The following TVP23C variants were observed in gnomAD, a reference collection of about 807,000 sequenced individuals.
TVP23C encodes the protein Golgi apparatus membrane protein TVP23 homolog C.
TVP23C carries 19 observed loss-of-function variants against 28.7 expected under a neutral mutation model. The ratio of observed to expected loss-of-function variants is 0.66; its 90% confidence interval spans 0.46 to 0.97. The LOEUF (loss-of-function observed/expected upper bound fraction) is 0.97, where lower values mean the gene tolerates loss of function less well. Ranked by LOEUF, TVP23C falls within the 50% of genes least tolerant of loss-of-function variation. The pLI, the probability that TVP23C is intolerant of heterozygous loss-of-function variation, is 0.00. For synonymous variants in TVP23C, 68 were observed against 81.7 expected (o/e 0.83, Z 0.90); for missense variants, 186 against 241.3 (o/e 0.77, Z 1.52).
chr17:15,540,532 T>C lies in TVP23C; in HGVS notation c.492A>G (p.Gln164=), dbSNP rs765432326. Residue 164 remains glutamine, a synonymous_variant, in exon 6 of 6, where the codon CAA becomes CAG. Coordinates refer to ENST00000518321, the MANE Select transcript of TVP23C (RefSeq NM_001135036.2). ...TGATGTAACCATACAGGTTGGCACC[T>C]TGTAGCACCACACCCATAATAACCA... The part of the protein sequence containing the change: ...LAVVIMGVVL[Q]GANLYGYIRC... 1.2e-5 allele frequency: 19 copies of C among 1,613,482 alleles called. No homozygotes were observed. The Admixed American group carries it at 1.7e-4, about 14-fold the overall frequency.
intron 5 of TVP23C, among the ~76,000 whole-genome samples, chr17:15,521,422 T>C (rs575449987): frequency 6.6e-6 from 1 of 152,254 alleles, no homozygotes; most frequent in South Asian, 2.1e-4. Context: ...GAGAATGTCG[T>C]GAGCCCAGGA....
intron 1 of TVP23C, among the ~76,000 whole-genome samples, chr17:15,558,025 T>C (rs1984211218): frequency 6.7e-6 from 1 of 149,326 alleles, no homozygotes; most frequent in African/African-American, 2.4e-5. Context: ...TGGCTACAAT[T>C]AGAATGCTCT....
At chr17:15,550,397 G>T (rs1030741588) in intron 3 of TVP23C, among the ~76,000 whole-genome samples, 4 of 152,048 alleles carry the variant, frequency 2.6e-5, no homozygotes, top group South Asian at 2.1e-4. Flanking sequence ...ATTTTATTTT[G>T]ATTTTCTTCA....
chr17:15,539,823 G>A lies in TVP23C; in HGVS notation c.*589C>T. 1 of 973,116 alleles carries A rather than the reference G, an allele frequency of 1.0e-6. No individual in the cohort carries two copies. Among genetic ancestry groups the A allele is most frequent in the Non-Finnish European group, 1.2e-6 (1 of 818,838 alleles). 60.3% of individuals were successfully genotyped at this position (973,116 alleles called of 1,614,324 possible). A position where few individuals can be genotyped will look rare whatever the true frequency, so the allele number is the denominator to read the frequency against. The stretch of plus-strand genomic sequence containing the variant: ...CCATACAACATACAGGCTGGGCACG[G>A]TGGCTCACGCCTGTAATCCCAGCAC... On this transcript the variant is annotated 3_prime_UTR_variant, in exon 6 of 6. Coordinates refer to ENST00000518321, the MANE Select transcript of TVP23C (RefSeq NM_001135036.2).
downstream of TVP23C, among the ~76,000 whole-genome samples, chr17:15,535,580 T>G (rs1983120493): frequency 6.6e-6 from 1 of 152,142 alleles, no homozygotes; most frequent in Non-Finnish European, 1.5e-5. Context: ...CATAATAAAA[T>G]GACTTTTCAC....
chr17:15,554,383 G>A (rs530368536), intron 2 of TVP23C, among the ~76,000 whole-genome samples: 1,711 of 151,614 alleles, frequency 0.011, 35 homozygotes, highest in African/African-American at 0.039. Context: ...GACTACAGGC[G>A]CCTGCCACCA....
At chr17:15,514,274 G>C (rs1015933880) in intron 5 of TVP23C, among the ~76,000 whole-genome samples, 1 of 151,996 alleles carries the variant, frequency 6.6e-6, no homozygotes, top group Non-Finnish European at 1.5e-5. Flanking sequence ...CAAATCAAAC[G>C]ACAAGTAAGT....
intron 5 of TVP23C, chr17:15,507,011 A>T: frequency 1.5e-6 from 2 of 1,304,648 alleles, no homozygotes; most frequent in Admixed American, 1.7e-5. Flanking sequence ...TTTGGTTATA[A>T]GGGTTCCTGC....
At chr17:15,518,782 T>C (rs750276378) in intron 5 of TVP23C, among the ~76,000 whole-genome samples, 1 of 152,144 alleles carries the variant, frequency 6.6e-6, no homozygotes, top group South Asian at 2.1e-4. Flanking sequence ...AGGAGAACAC[T>C]AGATGAAGGT....
chr17:15,521,245 C>T (rs1385891482), intron 5 of TVP23C, among the ~76,000 whole-genome samples: 3 of 152,134 alleles, frequency 2.0e-5, no homozygotes, highest in Admixed American at 6.5e-5. Context: ...TGGCTCACAC[C>T]TGTAATCCCA....
intron 5 of TVP23C, among the ~76,000 whole-genome samples, chr17:15,506,230 C>T (rs936238460): frequency 1.3e-5 from 2 of 152,212 alleles, no homozygotes; most frequent in East Asian, 1.9e-4. Context: ...CTGTGTTTAG[C>T]TCAAGGTTTG....
chr17:15,509,480 C>T (rs1682453656), intron 5 of TVP23C, among the ~76,000 whole-genome samples: 1 of 152,224 alleles, frequency 6.6e-6, no homozygotes, highest in African/African-American at 2.4e-5. Context: ...TGGTTCCTAC[C>T]AGCTGCACCT....
chr17:15,531,507 G>C lies in TVP23C; in HGVS notation c.462+14278C>G, dbSNP rs182036310. On this transcript the variant is annotated intron_variant, in intron 5 of 5. Transcript: ENST00000225576. ...TCATTCTTTTTTCTTTCTGTTCCTCGGACTGGATAATTACATTTGTCCTAT... is the reference window on the plus strand; with the variant it reads ...TCATTCTTTTTTCTTTCTGTTCCTCCGACTGGATAATTACATTTGTCCTAT... Among the ~76,000 whole-genome samples the C allele has an allele frequency of 3.7e-3, 558 of 151,432 alleles. 6 individuals are homozygous for C. Among genetic ancestry groups the C allele is most frequent in the Admixed American group, 0.016 (238 of 15,252 alleles).
chr17:15,547,238 C>G, intron 3 of TVP23C, 90 bp from the exon 4 acceptor site: 2 of 1,585,062 alleles, frequency 1.3e-6, no homozygotes, highest in South Asian at 2.3e-5. Context: ...ATTTCACAAA[C>G]AAAAACCTTC....
In TVP23C at chr17:15,546,000, C is replaced by T. The variant is rs1983631441; in HGVS notation, c.331-84G>A. 6 of 1,535,720 alleles carry T rather than the reference C, an allele frequency of 3.9e-6. No homozygotes were observed. The South Asian group carries it at 6.4e-5, about 16-fold the overall frequency. ...CATATTTAATAAAAAACATATTACC[C>T]ACAAGTTCAAATATTAATACACATA... On this transcript the variant is annotated intron_variant, in intron 4 of 5. Coordinates refer to ENST00000518321, the MANE Select transcript of TVP23C (RefSeq NM_001135036.2).
In TVP23C at chr17:15,539,582, G is replaced by C; in HGVS notation, c.*830C>G. The stretch of plus-strand genomic sequence containing the variant: ...CACGCCACTGCACTCCAGCCTGGGC[G>C]ACAGAGCAAGACTCCATCTCAAGAA... On this transcript the variant is annotated 3_prime_UTR_variant, in exon 6 of 6. Transcript: ENST00000518321. The C allele has an allele frequency of 1.1e-6, 1 of 940,908 alleles. No individual in the cohort carries two copies. Among genetic ancestry groups the C allele is most frequent in the Non-Finnish European group, 1.3e-6 (1 of 792,544 alleles). 58.3% of individuals were successfully genotyped at this position (940,908 alleles called of 1,614,324 possible).
chr17:15,532,216 G>A (rs1283366687), downstream of TVP23C, among the ~76,000 whole-genome samples: 1 of 152,114 alleles, frequency 6.6e-6, no homozygotes, highest in Non-Finnish European at 1.5e-5. Flanking sequence ...GTATAGCCAT[G>A]TCAGGCAACT....
At chr17:15,561,559 A>G (rs1984388964) in intron 1 of TVP23C, among the ~76,000 whole-genome samples, 1 of 152,138 alleles carries the variant, frequency 6.6e-6, no homozygotes, top group Non-Finnish European at 1.5e-5. Context: ...AGATCACACC[A>G]TTGTACTCCA....
chr17:15,502,756 TTCTC>T (rs1478651805), exon 6 of TVP23C: 2 of 1,389,852 alleles, frequency 1.4e-6, no homozygotes, highest in South Asian at 1.6e-5. Context: ...TCCCGTCTCT[TTCTC>T]TCCTTCTCCG....
Sources: gnomAD v4.1 joint callset for allele counts (sites outside exome capture counted in the v4.1 genomes callset) on GRCh38, gnomAD v4.1.1 for gene constraint, MANE v1.5 for transcripts, NCBI Gene and HGNC (gene_info 2026-07-23, HGNC 2026-07-21) for gene names.